PPIL2: variants seen among roughly 807,000 people sequenced by gnomAD.
The protein encoded by PPIL2 is peptidylprolyl isomerase like 2.
Under a neutral mutation model 75.2 loss-of-function variants are expected in PPIL2, and 50 were observed. That is an observed-to-expected ratio of 0.66 (90% CI 0.53 to 0.84). The LOEUF (loss-of-function observed/expected upper bound fraction) is 0.84, where lower values mean the gene tolerates loss of function less well. Ranked by LOEUF, PPIL2 falls within the 40% of genes least tolerant of loss-of-function variation. The pLI is 0.00. For missense variants in PPIL2, 590 were observed against 685.0 expected (o/e 0.86, Z 1.55); for synonymous variants, 245 against 258.8 (o/e 0.95, Z 0.51).
At chr22:21,685,059 C>T (rs766242052) in intron 10 of PPIL2, 146 bp downstream of exon 10, 35 of 1,168,072 alleles carry the variant, frequency 3.0e-5, no homozygotes, top group Non-Finnish European at 2.7e-5. Context: ...GCTGTGGTGC[C>T]CCTGATGGCT....
Position 21,696,992 on chromosome 22 carries a change from T to G in PPIL2, c.*1502T>G. On this transcript the variant is annotated 3_prime_UTR_variant, in exon 20 of 20. Coordinates refer to ENST00000398831, the MANE Select transcript of PPIL2 (RefSeq NM_014337.4). The stretch of plus-strand genomic sequence containing the variant: ...CAAGAACTGCGCCATGGCTGGCTCC[T>G]TCTCTTCTCCAGCCCATCCCTCTGC... The G allele has an allele frequency of 6.4e-7, 1 of 1,550,986 alleles. No individual in the cohort carries two copies. Among genetic ancestry groups the G allele is most frequent in the Non-Finnish European group, 8.7e-7 (1 of 1,147,346 alleles).
intron 1 of PPIL2, among the ~76,000 whole-genome samples, chr22:21,668,577 C>T (rs968807125): frequency 4.0e-5 from 6 of 149,900 alleles, no homozygotes; most frequent in Admixed American, 1.3e-4. Flanking sequence ...TGCAGTGAGC[C>T]GACATTGCAC....
chr22:21,694,140 C>A (rs1058941), intron 16 of PPIL2, among the ~76,000 whole-genome samples: 3 of 152,210 alleles, frequency 2.0e-5, no homozygotes, highest in Admixed American at 1.3e-4. Flanking sequence ...AGTGGCGCGC[C>A]ACTCGCAAGC....
chr22:21,673,260 AG>A lies in PPIL2; in HGVS notation c.243+883del, dbSNP rs2066705768. On this transcript the variant is annotated intron_variant, in intron 5 of 19. Coordinates refer to ENST00000398831, the MANE Select transcript of PPIL2 (RefSeq NM_014337.4). Reference sequence around the variant, plus strand: ...GCTGCTGGGAGCCACATTGGATCCCAGGGGCTTCCCCCAAGGTCCGTGCCCC... The same window carrying A: ...GCTGCTGGGAGCCACATTGGATCCCAGGGCTTCCCCCAAGGTCCGTGCCCC... Among the ~76,000 whole-genome samples the A allele has an allele frequency of 2.0e-5, 3 of 152,334 alleles. No homozygotes were observed. The South Asian group carries it at 6.2e-4, about 32-fold the overall frequency.
chr22:21,672,560 G>C lies in PPIL2; in HGVS notation c.243+179G>C, dbSNP rs112911304. Reference sequence around the variant, plus strand: ...CCCATTCTTTTCCAGAAATGCTTCCGGCCTGTGCACGTGTATATATGTGCA... The same window carrying C: ...CCCATTCTTTTCCAGAAATGCTTCCCGCCTGTGCACGTGTATATATGTGCA... On this transcript the variant is annotated intron_variant, in intron 5 of 19. Coordinates refer to ENST00000398831, the MANE Select transcript of PPIL2 (RefSeq NM_014337.4). Among the ~76,000 whole-genome samples, 345 of 152,242 alleles carry C rather than the reference G, an allele frequency of 2.3e-3. 2 individuals are homozygous for C. Among genetic ancestry groups the C allele is most frequent in the Middle Eastern group, 6.8e-3 (2 of 294 alleles).
At chr22:21,666,616 C>T (rs1165501588) in intron 1 of PPIL2, among the ~76,000 whole-genome samples, 1 of 152,134 alleles carries the variant, frequency 6.6e-6, no homozygotes, top group Non-Finnish European at 1.5e-5. Context: ...CAAGACCAGC[C>T]TGGCTAATAC....
rs191986849 is a variant in PPIL2, at chr22:21,673,988, A to G, written c.244-1076A>G. 5.3e-4 allele frequency among the ~76,000 whole-genome samples: 81 copies of G among 152,340 alleles called. 2 individuals carry two copies. The highest frequency in any genetic ancestry group is 4.1e-3 in the Admixed American group (62 of 15,298). ...GACAAAGGAAGGAACGAAGGTGGTTAGAGGAGCAGATGCGGTCAGTTGGGT... is the reference window on the plus strand; with the variant it reads ...GACAAAGGAAGGAACGAAGGTGGTTGGAGGAGCAGATGCGGTCAGTTGGGT... On this transcript the variant is annotated intron_variant, in intron 5 of 19. Transcript: ENST00000398831.
chr22:21,698,329 A>AAGAC (rs748034791), downstream of PPIL2: 7 of 152,298 alleles, frequency 4.6e-5, no homozygotes, highest in East Asian at 1.9e-4. Context: ...GCCGTCACAA[A>AAGAC]AGACAGTACA....
chr22:21,694,161 C>G (rs1031776280), intron 16 of PPIL2, among the ~76,000 whole-genome samples: 1 of 152,192 alleles, frequency 6.6e-6, no homozygotes, highest in African/African-American at 2.4e-5. Flanking sequence ...CTGGCCACAC[C>G]CAGCTCCCTT....
intron 6 of PPIL2, among the ~76,000 whole-genome samples, chr22:21,678,450 C>T (rs1396868492): frequency 6.6e-6 from 1 of 151,976 alleles, no homozygotes; most frequent in Non-Finnish European, 1.5e-5. Flanking sequence ...AGGCTGGTCT[C>T]GAACTCCTGG....
chr22:21,668,356 G>C (rs1424530448), intron 1 of PPIL2, among the ~76,000 whole-genome samples: 1 of 151,824 alleles, frequency 6.6e-6, no homozygotes, highest in African/African-American at 2.4e-5. Flanking sequence ...GCCAGGCACG[G>C]TGGCTCACAC....
Position 21,694,408 on chromosome 22 carries a change from T to C in PPIL2, c.1197-185T>C, listed in dbSNP as rs61548746. Reference sequence around the variant, plus strand: ...AAACAGAAAAAAACCCAGCTGGATATGCCCAGGGCCATGGTCAGCCGACCC... The same window carrying C: ...AAACAGAAAAAAACCCAGCTGGATACGCCCAGGGCCATGGTCAGCCGACCC... On this transcript the variant is annotated intron_variant, in intron 16 of 19. Coordinates refer to ENST00000398831, the MANE Select transcript of PPIL2 (RefSeq NM_014337.4). Among the ~76,000 whole-genome samples, 1,078 of 151,810 alleles carry C rather than the reference T, an allele frequency of 7.1e-3. 11 individuals carry two copies. Among genetic ancestry groups the C allele is most frequent in the African/African-American group, 0.024 (1,009 of 41,452 alleles).
intron 9 of PPIL2, among the ~76,000 whole-genome samples, chr22:21,684,454 C>CAAA (rs1028354500): frequency 0.026 from 1,194 of 45,870 alleles, 7 homozygotes; most frequent in Non-Finnish European, 0.029. Flanking sequence ...TCCATCTCCA[C>CAAA]AAAAAAAAAA....
intron 6 of PPIL2, among the ~76,000 whole-genome samples, chr22:21,676,554 G>A (rs2066870063): frequency 6.6e-6 from 1 of 151,412 alleles, no homozygotes; most frequent in Admixed American, 6.6e-5. Flanking sequence ...ATTAGGGAGT[G>A]GTGATGACTC....
At position 21,695,459 on chromosome 22, in the gene PPIL2, G is replaced by T; in HGVS notation, c.1532G>T (p.Ser511Ile). 2 of 1,607,520 alleles carry T rather than the reference G, an allele frequency of 1.2e-6. No individual in the cohort carries two copies. The highest frequency in any genetic ancestry group is 8.5e-7 in the Non-Finnish European group (1 of 1,176,780). The change falls in exon 20 of 20, where the codon AGT becomes ATT. Residue 511 changes from serine to isoleucine, a missense_variant. Coordinates refer to ENST00000398831, the MANE Select transcript of PPIL2 (RefSeq NM_014337.4). The part of the protein sequence containing the change: ...ATVPMSKKKP[S>I]RGFGDFSSW ...GTCCCCATGTCCAAGAAGAAGCCCAGTCGGGGTTTTGGGGACTTCAGCTCC... is the reference window on the plus strand; with the variant it reads ...GTCCCCATGTCCAAGAAGAAGCCCATTCGGGGTTTTGGGGACTTCAGCTCC...
intron 12 of PPIL2, 73 bp downstream of exon 12, chr22:21,687,071 A>G: frequency 7.3e-7 from 1 of 1,373,626 alleles, no homozygotes; most frequent in Non-Finnish European, 1.0e-6. Flanking sequence ...TGTCTTAAAT[A>G]TAGGGCTGCC....
In PPIL2 at chr22:21,695,542, T is replaced by C. The variant is rs899007336; in HGVS notation, c.*52T>C. 3.2e-6 allele frequency: 5 copies of C among 1,554,426 alleles called. No homozygotes were observed. In the African/African-American group the frequency reaches 5.5e-5, roughly 17 times the overall value. Reference sequence around the variant, plus strand: ...GTGGGGTTGCAGGGCTGGGGGCCCATGTCCACATCTCCATTTCCAGCCTTT... The same window carrying C: ...GTGGGGTTGCAGGGCTGGGGGCCCACGTCCACATCTCCATTTCCAGCCTTT... On this transcript the variant is annotated 3_prime_UTR_variant, in exon 20 of 20. Coordinates refer to ENST00000398831, the MANE Select transcript of PPIL2 (RefSeq NM_014337.4).
rs148114049 is a variant in PPIL2 at position 21,694,428 on chromosome 22, C to T, written c.1197-165C>T. On this transcript the variant is annotated intron_variant, in intron 16 of 19. Transcript: ENST00000398831. ...GGATATGCCCAGGGCCATGGTCAGC[C>T]GACCCCGCCCTTGCCACTCCCTCTC... 3.6e-3 allele frequency among the ~76,000 whole-genome samples: 543 copies of T among 152,214 alleles called. 2 individuals carry two copies. Among genetic ancestry groups the T allele is most frequent in the South Asian group, 0.016 (77 of 4,818 alleles).
In PPIL2 at chr22:21,693,814, A is replaced by G; in HGVS notation, c.1140-2A>G. On this transcript the variant is annotated splice_acceptor_variant, in intron 15 of 19. Transcript: ENST00000398831. LOFTEE classifies it high-confidence loss of function. Reference sequence around the variant, plus strand: ...CCCTAACCATCCAGCCCTCCTCCCCAGCTTCATCACGTTTCGCTCCTGTGC... The same window carrying G: ...CCCTAACCATCCAGCCCTCCTCCCCGGCTTCATCACGTTTCGCTCCTGTGC... 6.5e-7 allele frequency: 1 copy of G among 1,536,068 alleles called. No homozygotes were observed. The highest frequency in any genetic ancestry group is 1.1e-5 in the South Asian group (1 of 89,454).
Sources: allele counts gnomAD v4.1 joint callset (sites outside exome capture counted in the v4.1 genomes callset), GRCh38; gene constraint gnomAD v4.1.1; transcripts MANE v1.5; gene names NCBI Gene and HGNC (gene_info 2026-07-23, HGNC 2026-07-21).